KCNQ1: variants seen among roughly 807,000 people sequenced by gnomAD.
KCNQ1 encodes potassium voltage-gated channel subfamily Q member 1, also known as potassium voltage-gated channel subfamily KQT member 1.
In KCNQ1, 49 loss-of-function variants were observed where a neutral mutation model predicts 72.4. The observed-to-expected ratio is 0.68, with a 90% CI of 0.54 to 0.86. KCNQ1 has a LOEUF of 0.86. Among genes scored for constraint, KCNQ1 ranks in the 40% least tolerant of loss-of-function variants. The pLI is 0.00. For synonymous variants in KCNQ1, 450 were observed against 412.6 expected (o/e 1.09, Z -1.10); for missense variants, 790 against 945.1 (o/e 0.84, Z 2.15).
At chr11:2,775,698 C>T (rs1005431382) in intron 12 of KCNQ1, among the ~76,000 whole-genome samples, 1 of 152,190 alleles carries the variant, frequency 6.6e-6, no homozygotes, top group Non-Finnish European at 1.5e-5. Flanking sequence ...AGACAGCAGG[C>T]CCCTGCCGGT....
Position 2,509,899 on chromosome 11 carries a change from C to T in KCNQ1, c.387-18029C>T, listed in dbSNP as rs186466594. 7.2e-5 allele frequency among the ~76,000 whole-genome samples: 11 copies of T among 152,236 alleles called. No homozygotes were observed. The highest frequency in any genetic ancestry group is 6.5e-4 in the Admixed American group (10 of 15,304). ...GCCCATGGAGGTGACAAGTGACAGC[C>T]GGGAACAGACCCACTGCCAGGGCTG... On this transcript the variant is annotated intron_variant, in intron 1 of 15. Coordinates refer to ENST00000155840, the MANE Select transcript of KCNQ1 (RefSeq NM_000218.3). The surrounding 1 kb of genome is among the most constrained non-coding windows in gnomAD (Gnocchi z 6.3).
chr11:2,471,759 T>G lies in KCNQ1; in HGVS notation c.386+26275T>G, dbSNP rs752338237. On this transcript the variant is annotated intron_variant, in intron 1 of 15. Coordinates refer to ENST00000155840, the MANE Select transcript of KCNQ1 (RefSeq NM_000218.3). The surrounding 1 kb of genome is among the most constrained non-coding windows in gnomAD (Gnocchi z 4.8). ...ATGTGTGCATGGGCGTGTGTGTACT[T>G]GTGTATGGGTGTGTGCATGTGATTG... Among the ~76,000 whole-genome samples the G allele has an allele frequency of 1.1e-4, 17 of 151,660 alleles. No homozygotes were observed. The highest frequency in any genetic ancestry group is 2.4e-4 in the Non-Finnish European group (16 of 67,914).
chr11:2,612,738 G>C lies in KCNQ1; in HGVS notation c.1393+23884G>C. ...GCCCTAACATTTGGGGCCCTTCAGAGATAATTCCTATTTATTGCTCATTAT... is the reference window on the plus strand; with the variant it reads ...GCCCTAACATTTGGGGCCCTTCAGACATAATTCCTATTTATTGCTCATTAT... On this transcript the variant is annotated intron_variant, in intron 10 of 15. Transcript: ENST00000155840. This position sits in a 1 kb window ranked among gnomAD's most constrained non-coding sequence, Gnocchi z 5.5. 1 of 398,526 alleles carries C rather than the reference G, an allele frequency of 2.5e-6. No homozygotes were observed. The highest frequency in any genetic ancestry group is 1.3e-4 in the South Asian group (1 of 7,854). 24.7% of individuals were successfully genotyped at this position (398,526 alleles called of 1,614,324 possible).
chr11:2,820,092 C>G (rs1847699739), intron 15 of KCNQ1, among the ~76,000 whole-genome samples: 2 of 152,068 alleles, frequency 1.3e-5, no homozygotes, highest in African/African-American at 4.8e-5. Context: ...TAATATCTTC[C>G]TTTGACTTTG....
chr11:2,573,845 T>C lies in KCNQ1; in HGVS notation c.921+859T>C, dbSNP rs150654300. On this transcript the variant is annotated intron_variant, in intron 6 of 15. Coordinates refer to ENST00000155840, the MANE Select transcript of KCNQ1 (RefSeq NM_000218.3). ...CACGTGGGAGAGGGAGATGTTCCGA[T>C]GAGGATGCAGCTGCAGGAATCAGGG... Among the ~76,000 whole-genome samples, 684 of 151,974 alleles carry C rather than the reference T, an allele frequency of 4.5e-3. 10 individuals carry two copies. The highest frequency in any genetic ancestry group is 0.015 in the African/African-American group (628 of 41,418).
intron 11 of KCNQ1, 87 bp downstream of exon 11, chr11:2,662,168 C>T (rs1849971136): frequency 1.3e-5 from 21 of 1,578,908 alleles, no homozygotes; most frequent in Middle Eastern, 1.9e-4. Flanking sequence ...GCCTTGCTCT[C>T]TGGCCAGAGT....
intron 11 of KCNQ1, chr11:2,680,550 A>G (rs1444366236): frequency 5.0e-6 from 2 of 398,468 alleles, no homozygotes. Flanking sequence ...GTTCTAAGAA[A>G]CAACACAGAG....
intron 15 of KCNQ1, among the ~76,000 whole-genome samples, chr11:2,792,919 G>T (rs1487548678): frequency 1.3e-5 from 2 of 149,120 alleles, no homozygotes; most frequent in Non-Finnish European, 3.0e-5. Flanking sequence ...CCCCACATAG[G>T]TGTCAAAGTG....
Position 2,848,139 on chromosome 11 carries a change from A to G in KCNQ1, c.*136A>G, listed in dbSNP as rs1242587537. ...CCACTCTCAGAGGCCCCAATACCCC[A>G]TGGACCATGCTGTCTGGCACAGCCT... On this transcript the variant is annotated 3_prime_UTR_variant, in exon 16 of 16. Transcript: ENST00000155840. The G allele has an allele frequency of 1.3e-6, 1 of 787,370 alleles. No individual in the cohort carries two copies. Among genetic ancestry groups the G allele is most frequent in the Non-Finnish European group, 2.1e-6 (1 of 466,656 alleles). 48.8% of individuals were successfully genotyped at this position (787,370 alleles called of 1,614,324 possible).
At position 2,766,979 on chromosome 11, in the gene KCNQ1, C is replaced by T. The variant is rs777420699; in HGVS notation, c.1515-1865C>T. Among the ~76,000 whole-genome samples, 1 of 152,176 alleles carries T rather than the reference C, an allele frequency of 6.6e-6. No homozygotes were observed. Among genetic ancestry groups the T allele is most frequent in the Non-Finnish European group, 1.5e-5 (1 of 68,014 alleles). ...AGATCATGAGGTCAAGAGATCAACA[C>T]CATCCTAGCCAACATGATCAAACCC... On this transcript the variant is annotated intron_variant, in intron 11 of 15. Coordinates refer to ENST00000155840, the MANE Select transcript of KCNQ1 (RefSeq NM_000218.3). This position sits in a 1 kb window ranked among gnomAD's most constrained non-coding sequence, Gnocchi z 4.4.
chr11:2,835,697 G>C (rs944639403), intron 15 of KCNQ1, among the ~76,000 whole-genome samples: 2 of 152,172 alleles, frequency 1.3e-5, no homozygotes, highest in African/African-American at 4.8e-5. Context: ...TGCTGGGGCA[G>C]GGGTGTCTTT....
chr11:2,756,851 C>T (rs1164505305), intron 11 of KCNQ1, among the ~76,000 whole-genome samples: 1 of 148,538 alleles, frequency 6.7e-6, no homozygotes, highest in East Asian at 2.0e-4. Flanking sequence ...ATTAGCACAA[C>T]CGGGAGAGAT....
chr11:2,695,434 T>G lies in KCNQ1; in HGVS notation c.1514+33353T>G, dbSNP rs543572217. The G allele has an allele frequency of 3.8e-5, 15 of 398,680 alleles. No homozygotes were observed. In the East Asian group the frequency reaches 4.3e-4, roughly 11 times the overall value. 24.7% of individuals were successfully genotyped at this position (398,680 alleles called of 1,614,324 possible). On this transcript the variant is annotated intron_variant, in intron 11 of 15. Transcript: ENST00000155840. The surrounding 1 kb of genome is among the most constrained non-coding windows in gnomAD (Gnocchi z 5.2). ...TCATGTACTGAGGCCCTCTTTCTGT[T>G]TGGCATTTGTGTCACTCAGCACTGT...
rs145015709 is a variant in KCNQ1 at position 2,495,712 on chromosome 11, T to C, written c.387-32216T>C. Among the ~76,000 whole-genome samples the C allele has an allele frequency of 1.1e-4, 16 of 152,378 alleles. No individual in the cohort carries two copies. Among genetic ancestry groups the C allele is most frequent in the Non-Finnish European group, 1.9e-4 (13 of 68,040 alleles). Reference sequence around the variant, plus strand: ...CTGTGTTCTGAGAGACTGTTTGTTATGATTTCCATTCTTTGGCATTTGCTG... The same window carrying C: ...CTGTGTTCTGAGAGACTGTTTGTTACGATTTCCATTCTTTGGCATTTGCTG... On this transcript the variant is annotated intron_variant, in intron 1 of 15. Transcript: ENST00000155840. The surrounding 1 kb of genome is among the most constrained non-coding windows in gnomAD (Gnocchi z 4.6).
At chr11:2,496,353 C>T (rs988580936) in intron 1 of KCNQ1, among the ~76,000 whole-genome samples, 6 of 151,852 alleles carry the variant, frequency 4.0e-5, no homozygotes, top group Non-Finnish European at 5.9e-5. Context: ...AGGAGAATGG[C>T]GTGAACCCGG....
intron 11 of KCNQ1, chr11:2,665,330 C>T (rs899153784): frequency 2.5e-5 from 10 of 398,220 alleles, no homozygotes; most frequent in Non-Finnish European, 4.4e-5. Flanking sequence ...GAAGTAGAGA[C>T]TGTAGGCCTG....
intron 2 of KCNQ1, among the ~76,000 whole-genome samples, chr11:2,561,330 G>A (rs1409097421): frequency 6.6e-6 from 1 of 152,204 alleles, no homozygotes; most frequent in Non-Finnish European, 1.5e-5. Context: ...AGCACGGGAC[G>A]GGGCGTCAGG....
In KCNQ1 at chr11:2,538,912, C is replaced by T. The variant is rs928893556; in HGVS notation, c.477+10894C>T. Among the ~76,000 whole-genome samples the T allele has an allele frequency of 6.6e-6, 1 of 151,790 alleles. No individual in the cohort carries two copies. Among genetic ancestry groups the T allele is most frequent in the African/African-American group, 2.4e-5 (1 of 41,310 alleles). ...AACACGTAACCCGATTCTGTCCAAG[C>T]GATTTGTGAGAATGGGGTTGACACC... On this transcript the variant is annotated intron_variant, in intron 2 of 15. Coordinates refer to ENST00000155840, the MANE Select transcript of KCNQ1 (RefSeq NM_000218.3). The surrounding 1 kb of genome is among the most constrained non-coding windows in gnomAD (Gnocchi z 6.7).
rs1846890915 is a variant in KCNQ1 at position 2,785,331 on chromosome 11, A to G, written c.1794+7294A>G. 6.6e-6 allele frequency among the ~76,000 whole-genome samples: 1 copy of G among 151,906 alleles called. No individual in the cohort carries two copies. Among genetic ancestry groups the G allele is most frequent in the Admixed American group, 6.6e-5 (1 of 15,264 alleles). On this transcript the variant is annotated intron_variant, in intron 15 of 15. Coordinates refer to ENST00000155840, the MANE Select transcript of KCNQ1 (RefSeq NM_000218.3). The surrounding 1 kb of genome is among the most constrained non-coding windows in gnomAD (Gnocchi z 4.4). ...TAAACCAATCTCACATTTCTGGAAT[A>G]TATCCTACCTGGGCATGATATATAA...
Sources: gnomAD v4.1 joint callset for allele counts (sites outside exome capture counted in the v4.1 genomes callset) on GRCh38, gnomAD v4.1.1 for gene constraint, Gnocchi (gnomAD v3.1) non-coding constraint, MANE v1.5 for transcripts, NCBI Gene and HGNC (gene_info 2026-07-23, HGNC 2026-07-21) for gene names.